RASAL2: variants seen among roughly 807,000 people sequenced by gnomAD.
RASAL2 encodes RAS protein activator like 2, also known as ras GTPase-activating protein nGAP.
Under a neutral mutation model 128.9 loss-of-function variants are expected in RASAL2, and 58 were observed. That is an observed-to-expected ratio of 0.45 (90% CI 0.36 to 0.56). RASAL2 has a LOEUF of 0.56. RASAL2 is among the 20% of genes least tolerant of loss of function. The pLI, the probability that RASAL2 is intolerant of heterozygous loss-of-function variation, is 0.00. For synonymous variants in RASAL2, 561 were observed against 580.8 expected (o/e 0.97, Z 0.49); for missense variants, 1,360 against 1,601.6 (o/e 0.85, Z 2.57).
chr1:178,447,375 A>G (rs1314958566), intron 9 of RASAL2, among the ~76,000 whole-genome samples: 1 of 151,880 alleles, frequency 6.6e-6, no homozygotes, highest in East Asian at 1.9e-4. Context: ...AAGCCAATCA[A>G]TTAAGAAGCC....
At chr1:178,282,863 T>G (rs1666849305) in intron 1 of RASAL2, among the ~76,000 whole-genome samples, 1 of 152,132 alleles carries the variant, frequency 6.6e-6, no homozygotes, top group African/African-American at 2.4e-5. Context: ...AGTAAACATT[T>G]TATATCAAAA....
At chr1:178,464,567 GGT>G (rs58822651) in intron 15 of RASAL2, among the ~76,000 whole-genome samples, 155 bp downstream of exon 15, 5,006 of 144,682 alleles carry the variant, frequency 0.035, 95 homozygotes, top group South Asian at 0.076. Context: ...ATAGGTCAGT[GGT>G]GTGTGTGTGT....
rs542885581 is a variant in RASAL2 at position 178,214,715 on chromosome 1, C to T, written c.203-68849C>T. On this transcript the variant is annotated intron_variant, in intron 1 of 17. Coordinates refer to ENST00000367649, the MANE Select transcript of RASAL2 (RefSeq NM_170692.4). ...CTGGGACTACAGGTGCCTGCCACCA[C>T]GCTCGGCTAATTTTTTGTATTTTTA... Among the ~76,000 whole-genome samples, 132 of 151,974 alleles carry T rather than the reference C, an allele frequency of 8.7e-4. No homozygotes were observed. In the Middle Eastern group the frequency reaches 0.01, roughly 12 times the overall value.
At chr1:178,375,236 G>T (rs1671923637) in intron 3 of RASAL2, among the ~76,000 whole-genome samples, 1 of 151,984 alleles carries the variant, frequency 6.6e-6, no homozygotes, top group African/African-American at 2.4e-5. Flanking sequence ...TTCACATCCG[G>T]TGAGCAAACT....
At chr1:178,182,638 A>G (rs1480094429) in intron 1 of RASAL2, among the ~76,000 whole-genome samples, 1 of 152,104 alleles carries the variant, frequency 6.6e-6, no homozygotes, top group East Asian at 1.9e-4. Flanking sequence ...CTCCCCTGGC[A>G]TATCTGTAAA....
chr1:178,320,165 C>G (rs963596775), intron 3 of RASAL2, among the ~76,000 whole-genome samples: 1 of 151,964 alleles, frequency 6.6e-6, no homozygotes, highest in Non-Finnish European at 1.5e-5. Context: ...AGATCTCCAG[C>G]TGCGTGCTGG....
intron 1 of RASAL2, among the ~76,000 whole-genome samples, chr1:178,200,984 C>T (rs150425015): frequency 5.9e-5 from 9 of 152,306 alleles, no homozygotes; most frequent in African/African-American, 2.2e-4. Flanking sequence ...CTCCAACACC[C>T]TGTGAGCTTC....
intron 4 of RASAL2, among the ~76,000 whole-genome samples, chr1:178,405,042 A>T (rs1673912109): frequency 6.6e-6 from 1 of 152,198 alleles, no homozygotes; most frequent in African/African-American, 2.4e-5. Context: ...CTGACAGACT[A>T]TAAAGGATGA....
intron 9 of RASAL2, 76 bp from the exon 10 acceptor site, chr1:178,451,495 A>G: frequency 7.0e-7 from 1 of 1,435,196 alleles, no homozygotes; most frequent in Non-Finnish European, 9.3e-7. Context: ...GTTTTAGGAC[A>G]GAAATCATAA....
At chr1:178,299,971 C>G in intron 2 of RASAL2, 21 bp from the exon 3 acceptor site, 1 of 1,609,196 alleles carries the variant, frequency 6.2e-7, no homozygotes, top group Non-Finnish European at 8.5e-7. Context: ...TAAGTTTTAT[C>G]TTTTGCTTTT....
At chr1:178,389,943 T>A (rs1672796180) in intron 3 of RASAL2, among the ~76,000 whole-genome samples, 157 bp from the exon 4 acceptor site, 1 of 152,218 alleles carries the variant, frequency 6.6e-6, no homozygotes, top group Admixed American at 6.5e-5. Context: ...TCTTGATAGT[T>A]TAAGCACCTC....
At chr1:178,267,763 A>G (rs973024208) in intron 1 of RASAL2, among the ~76,000 whole-genome samples, 1 of 151,266 alleles carries the variant, frequency 6.6e-6, no homozygotes, top group Non-Finnish European at 1.5e-5. Flanking sequence ...TGACCTCGTG[A>G]TCACCCACCT....
rs1222529362 is a variant in RASAL2 at position 178,458,139 on chromosome 1, C to T, written c.2847C>T (p.Ser949=). The change falls in exon 14 of 18, where the codon AGC becomes AGT. Residue 949 remains serine, a synonymous_variant. Coordinates refer to ENST00000367649, the MANE Select transcript of RASAL2 (RefSeq NM_170692.4). Reference sequence around the variant, plus strand: ...TAGATTCCAGTTTGGAGAACCTAAGCACTGCCAGTTCCAGAAGCCAAAGTA... The same window carrying T: ...TAGATTCCAGTTTGGAGAACCTAAGTACTGCCAGTTCCAGAAGCCAAAGTA... ...ASIDSSLENL[S]TASSRSQSNS... The T allele has an allele frequency of 6.2e-7, 1 of 1,614,220 alleles. No individual in the cohort carries two copies. The highest frequency in any genetic ancestry group is 1.7e-5 in the Admixed American group (1 of 60,024).
intron 1 of RASAL2, among the ~76,000 whole-genome samples, chr1:178,136,570 A>T (rs1660330511): frequency 6.6e-6 from 1 of 151,818 alleles, no homozygotes; most frequent in South Asian, 2.1e-4. Flanking sequence ...AGCCTGGCCA[A>T]CATGGTGAAA....
chr1:178,179,991 A>G (rs1662031665), intron 1 of RASAL2, among the ~76,000 whole-genome samples: 1 of 152,188 alleles, frequency 6.6e-6, no homozygotes, highest in Admixed American at 6.5e-5. Flanking sequence ...GGGGAGAGGA[A>G]GCTAGTTCCA....
chr1:178,131,206 ATATT>A (rs1660101879), intron 1 of RASAL2, among the ~76,000 whole-genome samples: 1 of 151,922 alleles, frequency 6.6e-6, no homozygotes, highest in South Asian at 2.1e-4. Context: ...TTAAATGGAA[ATATT>A]TATTTATTTA....
intron 3 of RASAL2, among the ~76,000 whole-genome samples, chr1:178,375,251 TGAAAA>T (rs896260660): frequency 2.2e-4 from 34 of 152,162 alleles, no homozygotes; most frequent in African/African-American, 7.5e-4. Context: ...CAAACTGTCT[TGAAAA>T]GAACGCAGAA....
At chr1:178,362,908 T>A (rs1671199245) in intron 3 of RASAL2, among the ~76,000 whole-genome samples, 1 of 152,164 alleles carries the variant, frequency 6.6e-6, no homozygotes, top group African/African-American at 2.4e-5. Context: ...TCTTTATTCG[T>A]CAACAGGCAC....
intron 14 of RASAL2, among the ~76,000 whole-genome samples, chr1:178,460,954 C>T (rs1022012628): frequency 1.3e-5 from 2 of 152,070 alleles, no homozygotes; most frequent in Admixed American, 1.3e-4. Context: ...GCTGGGATTA[C>T]AGATGCCCAC....
Sources: gnomAD v4.1 joint callset for allele counts (sites outside exome capture counted in the v4.1 genomes callset) on GRCh38, gnomAD v4.1.1 for gene constraint, MANE v1.5 for transcripts, NCBI Gene and HGNC (gene_info 2026-07-23, HGNC 2026-07-21) for gene names.